Variants in DMD observed in about 807,000 individuals in gnomAD.
The protein encoded by DMD is dystrophin.
Under a neutral mutation model 330.1 loss-of-function variants are expected in DMD, and 63 were observed. The ratio of observed to expected loss-of-function variants is 0.19; its 90% CI spans 0.16 to 0.24. The LOEUF (loss-of-function observed/expected upper bound fraction) is 0.24. DMD is among the 10% of genes least tolerant of loss of function. The pLI, the probability that DMD is intolerant of heterozygous loss-of-function variation, is 1.00. For missense variants in DMD, 3,344 were observed against 2,684.1 expected, an observed-to-expected ratio of 1.25 and a Z score of -5.43; for synonymous variants, 1,223 against 959.8, an observed-to-expected ratio of 1.27 and a Z score of -5.07.
At chrX:32,720,713 G>A (rs901545949) in intron 7 of DMD, among the ~76,000 whole-genome samples, 2 of 111,585 alleles carry the variant, frequency 1.8e-5, no homozygotes, top group African/African-American at 6.5e-5. Flanking sequence ...TAACTAGCTA[G>A]ATCAAATCTT....
At chrX:31,394,222 T>C (rs1049219658) in intron 60 of DMD, among the ~76,000 whole-genome samples, 3 of 112,190 alleles carry the variant, frequency 2.7e-5, no homozygotes, top group Admixed American at 9.5e-5. Flanking sequence ...GATATGAAGA[T>C]TGTGATATAA....
At chrX:32,587,568 T>A (rs1169676698) in intron 13 of DMD, among the ~76,000 whole-genome samples, 4 of 111,544 alleles carry the variant, frequency 3.6e-5, no homozygotes, top group Non-Finnish European at 3.8e-5. Context: ...TGAGGGAGAA[T>A]TATGCTTCTA....
intron 44 of DMD, among the ~76,000 whole-genome samples, chrX:32,142,454 C>A (rs765199764): frequency 8.9e-6 from 1 of 112,319 alleles, no homozygotes; most frequent in African/African-American, 3.2e-5. Context: ...TCTACACTAT[C>A]CATCTCACAG....
At chrX:31,140,954 G>A (rs1445876236) in intron 76 of DMD, among the ~76,000 whole-genome samples, 1 of 111,503 alleles carries the variant, frequency 9.0e-6, no homozygotes, top group African/African-American at 3.3e-5. Flanking sequence ...ACTTTGGGAG[G>A]CTGAGGCGGG....
At chrX:32,304,180 G>A (rs772735880) in intron 42 of DMD, among the ~76,000 whole-genome samples, 5 of 111,190 alleles carry the variant, frequency 4.5e-5, no homozygotes, top group African/African-American at 1.3e-4. Context: ...AGCTTCAACC[G>A]TTTGTGAATA....
intron 7 of DMD, among the ~76,000 whole-genome samples, chrX:32,710,845 G>C (rs1467299171): frequency 9.0e-6 from 1 of 110,848 alleles, no homozygotes; most frequent in East Asian, 2.8e-4. Flanking sequence ...CTATGAGTCA[G>C]CGGTGGGTAG....
intron 52 of DMD, among the ~76,000 whole-genome samples, chrX:31,723,083 T>G (rs1354135586): frequency 9.3e-6 from 1 of 107,356 alleles, no homozygotes; most frequent in African/African-American, 3.4e-5. Context: ...GTCTAAATGC[T>G]TCTATATTGT....
At chrX:31,961,058 T>C (rs2095298300) in intron 45 of DMD, among the ~76,000 whole-genome samples, 1 of 112,297 alleles carries the variant, frequency 8.9e-6, no homozygotes, top group African/African-American at 3.2e-5. Context: ...TTAGTTGAGA[T>C]ACAGTGAGAG....
intron 74 of DMD, among the ~76,000 whole-genome samples, chrX:31,166,493 C>A (rs930570266): frequency 8.9e-5 from 10 of 111,733 alleles, no homozygotes; most frequent in Non-Finnish European, 9.4e-5. Context: ...AATATACTTT[C>A]TTATTTTCTC....
intron 2 of DMD, among the ~76,000 whole-genome samples, chrX:32,874,829 T>A (rs1208472274): frequency 9.0e-6 from 1 of 111,648 alleles, no homozygotes; most frequent in African/African-American, 3.3e-5. Flanking sequence ...ACCACCATGC[T>A]GTAGAAGACA....
chrX:32,860,874 A>T (rs950153558), intron 2 of DMD, among the ~76,000 whole-genome samples: 1 of 111,813 alleles, frequency 8.9e-6, no homozygotes, highest in African/African-American at 3.3e-5. Flanking sequence ...ACCTAAAGAT[A>T]GAAAAATGCT....
At chrX:32,491,884 T>C (rs963584500) in intron 19 of DMD, among the ~76,000 whole-genome samples, 2 of 112,205 alleles carry the variant, frequency 1.8e-5, no homozygotes, top group Admixed American at 9.4e-5. Context: ...AGATACATTT[T>C]ACATATCATA....
chrX:33,100,560 G>A (rs1455504574), intron 1 of DMD, among the ~76,000 whole-genome samples: 1 of 110,403 alleles, frequency 9.1e-6, no homozygotes, highest in East Asian at 2.8e-4. Context: ...GGATGGTGGC[G>A]CATGCCTGTC....
At position 32,429,583 on chromosome X, in the gene DMD, T is replaced by C. The variant is rs183335938; in HGVS notation, c.4071+8658A>G. Among the ~76,000 whole-genome samples the C allele has an allele frequency of 7.4e-3, 801 of 108,143 alleles. 3 individuals carry two copies. Among genetic ancestry groups the C allele is most frequent in the Non-Finnish European group, 0.013 (655 of 52,324 alleles). The allele number at this position is 108,143 out of a possible 115,157, so 93.9% of individuals were successfully genotyped here. A position where few individuals can be genotyped will look rare whatever the true frequency, so the allele number is the denominator to read the frequency against. ...TACCATCTTTTCTTTTATTTTATGC[T>C]CATCTCACATTTTTCTGTTTTGTTT... On this transcript the variant is annotated intron_variant, in intron 29 of 78. Coordinates refer to ENST00000357033, the MANE Select transcript of DMD (RefSeq NM_004006.3).
intron 11 of DMD, among the ~76,000 whole-genome samples, chrX:32,626,279 T>C (rs2058339083): frequency 9.0e-6 from 1 of 110,877 alleles, no homozygotes; most frequent in Admixed American, 9.6e-5. Flanking sequence ...AAGACCAGCC[T>C]GGCCAATAGA....
intron 43 of DMD, among the ~76,000 whole-genome samples, chrX:32,285,614 C>T (rs746265202): frequency 4.8e-4 from 53 of 111,307 alleles, no homozygotes; most frequent in African/African-American, 1.7e-3. Flanking sequence ...CACAGAGTGG[C>T]TGAGTTTCTT....
intron 1 of DMD, among the ~76,000 whole-genome samples, chrX:33,193,353 C>A (rs769559335): frequency 8.9e-6 from 1 of 112,035 alleles, no homozygotes; most frequent in African/African-American, 3.2e-5. Context: ...ATTTCTCACT[C>A]CATTTTTCTC....
chrX:31,807,764 A>G, intron 50 of DMD, among the ~76,000 whole-genome samples: 1 of 111,662 alleles, frequency 9.0e-6, no homozygotes, highest in Admixed American at 9.6e-5. Context: ...AAATATGTAC[A>G]AAAGCATGCA....
chrX:33,161,553 G>A (rs945377183), intron 1 of DMD, among the ~76,000 whole-genome samples: 3 of 111,354 alleles, frequency 2.7e-5, no homozygotes, highest in African/African-American at 9.8e-5. Context: ...CGTGACTAAT[G>A]AGTGACAACC....
Sources: allele counts gnomAD v4.1 joint callset (sites outside exome capture counted in the v4.1 genomes callset), GRCh38; gene constraint gnomAD v4.1.1; transcripts MANE v1.5; gene names NCBI Gene and HGNC (gene_info 2026-07-23, HGNC 2026-07-21).